Variants in MAP3K20 observed in about 807,000 individuals in gnomAD.
The protein encoded by MAP3K20 is HCCS-4.
MAP3K20 carries 40 observed loss-of-function variants against 85.7 expected under a neutral mutation model. That is an observed-to-expected ratio of 0.47 (90% CI 0.36 to 0.61). The LOEUF (loss-of-function observed/expected upper bound fraction) is 0.61. MAP3K20 is among the 20% of genes least tolerant of loss of function. MAP3K20 has a pLI of 0.00. For synonymous variants in MAP3K20, 325 were observed against 327.7 expected, an observed-to-expected ratio of 0.99 and a Z score of 0.09; for missense variants, 817 against 961.7, an observed-to-expected ratio of 0.85 and a Z score of 1.99.
chr2:173,244,473 A>T lies in MAP3K20; in HGVS notation c.1359+4977A>T, dbSNP rs1312593798. 4.6e-5 allele frequency among the ~76,000 whole-genome samples: 7 copies of T among 152,218 alleles called. No individual in the cohort carries two copies. In the East Asian group the frequency reaches 1.3e-3, roughly 29 times the overall value. On this transcript the variant is annotated intron_variant, in intron 16 of 19. Transcript: ENST00000375213. Reference sequence around the variant, plus strand: ...CGTTAGCATTTGGGTGAGATGCATAACTCATAGTATCATCGTTGCTGATTC... The same window carrying T: ...CGTTAGCATTTGGGTGAGATGCATATCTCATAGTATCATCGTTGCTGATTC...
chr2:173,170,365 C>T (rs1010246164), intron 3 of MAP3K20, among the ~76,000 whole-genome samples: 1 of 152,148 alleles, frequency 6.6e-6, no homozygotes, highest in Non-Finnish European at 1.5e-5. Context: ...TGGTAATGAC[C>T]TTGATCTAAA....
chr2:173,179,591 G>A (rs1183695498), intron 3 of MAP3K20, among the ~76,000 whole-genome samples: 2 of 151,936 alleles, frequency 1.3e-5, no homozygotes, highest in African/African-American at 4.8e-5. Flanking sequence ...TGTACTGAAG[G>A]TTTTAGCCAG....
At chr2:173,075,629 G>C (rs2106126673), upstream of MAP3K20, 1 of 553,100 alleles carries the variant, frequency 1.8e-6, no homozygotes, top group South Asian at 7.9e-5. Flanking sequence ...TGCTGGGGGC[G>C]AGGGGGAACA....
intron 2 of MAP3K20, among the ~76,000 whole-genome samples, chr2:173,121,464 G>A (rs1309165309): frequency 6.6e-6 from 1 of 152,144 alleles, no homozygotes; most frequent in Non-Finnish European, 1.5e-5. Flanking sequence ...TCGGCTCACT[G>A]TAAGCTCTGC....
At chr2:173,192,980 T>A (rs1255606275) in intron 7 of MAP3K20, 1 of 152,192 alleles carries the variant, frequency 6.6e-6, no homozygotes, top group Non-Finnish European at 1.5e-5. Context: ...CATAGTTGGC[T>A]TTTTGTTTCT....
chr2:173,189,041 A>G lies in MAP3K20; in HGVS notation c.415+1418A>G, dbSNP rs1004543108. Among the ~76,000 whole-genome samples the G allele has an allele frequency of 5.3e-5, 8 of 152,168 alleles. No homozygotes were observed. The East Asian group carries it at 9.6e-4, about 18-fold the overall frequency. Reference sequence around the variant, plus strand: ...CCCCATTTTAAAAAGTTACAGTTATATGTATTATAGTTACTAAATAGGAAC... The same window carrying G: ...CCCCATTTTAAAAAGTTACAGTTATGTGTATTATAGTTACTAAATAGGAAC... On this transcript the variant is annotated intron_variant, in intron 5 of 19. Transcript: ENST00000375213.
intron 2 of MAP3K20, among the ~76,000 whole-genome samples, chr2:173,134,393 CATATATATATATATATAT>C (rs1162728873): frequency 4.9e-4 from 6 of 12,330 alleles, no homozygotes; most frequent in Non-Finnish European, 8.7e-4. Flanking sequence ...TGTCTCTATA[CATATATATATATATATAT>C]ATATATATAT....
intron 3 of MAP3K20, among the ~76,000 whole-genome samples, chr2:173,173,162 G>C (rs1366690877): frequency 1.6e-5 from 1 of 62,744 alleles, no homozygotes; most frequent in African/African-American, 5.6e-5. Flanking sequence ...TTCTGTGTGT[G>C]TGTGTGTGTG....
chr2:173,106,991 A>G (rs1687800007), intron 2 of MAP3K20, among the ~76,000 whole-genome samples: 1 of 152,198 alleles, frequency 6.6e-6, no homozygotes, highest in African/African-American at 2.4e-5. Context: ...TTGAAAGAAC[A>G]GGTGTCTGAG....
intron 5 of MAP3K20, among the ~76,000 whole-genome samples, chr2:173,188,514 T>C (rs1451197523): frequency 6.6e-6 from 1 of 151,872 alleles, no homozygotes; most frequent in Non-Finnish European, 1.5e-5. Context: ...TTAGAATGGG[T>C]GGTGATGACA....
chr2:173,253,539 T>G (rs1401381072), intron 16 of MAP3K20, among the ~76,000 whole-genome samples: 2 of 152,274 alleles, frequency 1.3e-5, no homozygotes, highest in East Asian at 1.9e-4. Flanking sequence ...CCATACTGTT[T>G]CCATTTTAAT....
chr2:173,208,716 C>G (rs1456182886), intron 9 of MAP3K20, among the ~76,000 whole-genome samples: 1 of 152,158 alleles, frequency 6.6e-6, no homozygotes, highest in African/African-American at 2.4e-5. Context: ...GCACTTAAAT[C>G]CTGAGAGCAA....
chr2:173,183,089 C>A, intron 4 of MAP3K20, 134 bp downstream of exon 4: 1 of 662,486 alleles, frequency 1.5e-6, no homozygotes, highest in Non-Finnish European at 2.6e-6. Flanking sequence ...GTAAGAATTC[C>A]ACAGCTGATG....
chr2:173,100,927 A>G (rs764645677), intron 2 of MAP3K20, among the ~76,000 whole-genome samples: 5 of 152,204 alleles, frequency 3.3e-5, no homozygotes, highest in Non-Finnish European at 5.9e-5. Context: ...CTTTTCTACC[A>G]GACATTTCTG....
At chr2:173,247,436 A>G (rs1684942648) in intron 16 of MAP3K20, among the ~76,000 whole-genome samples, 1 of 152,168 alleles carries the variant, frequency 6.6e-6, no homozygotes, top group Admixed American at 6.5e-5. Context: ...TAAAGCCAAC[A>G]CTTTTTGGAA....
chr2:173,263,644 A>C, intron 18 of MAP3K20, 101 bp from the exon 19 acceptor site: 1 of 1,180,210 alleles, frequency 8.5e-7, no homozygotes, highest in Non-Finnish European at 1.2e-6. Context: ...GTGATATAAT[A>C]ACCTGGATGA....
intron 2 of MAP3K20, among the ~76,000 whole-genome samples, chr2:173,114,718 C>T (rs574493045): frequency 1.3e-5 from 2 of 152,068 alleles, no homozygotes; most frequent in African/African-American, 4.8e-5. Flanking sequence ...TTAAGGAGGC[C>T]GAAGATAGGG....
intron 14 of MAP3K20, among the ~76,000 whole-genome samples, chr2:173,236,308 A>G (rs1169706255): frequency 6.7e-6 from 1 of 149,164 alleles, no homozygotes; most frequent in Non-Finnish European, 1.5e-5. Context: ...GACAGGGGAC[A>G]GGGGTCTAAG....
At chr2:173,192,962 A>G (rs1245923780) in intron 7 of MAP3K20, 1 of 152,204 alleles carries the variant, frequency 6.6e-6, no homozygotes, top group Non-Finnish European at 1.5e-5. Context: ...CATAGTCTTC[A>G]TAGATGCCAT....
Sources: gnomAD v4.1 joint callset for allele counts (sites outside exome capture counted in the v4.1 genomes callset) on GRCh38, gnomAD v4.1.1 for gene constraint, MANE v1.5 for transcripts, NCBI Gene and HGNC (gene_info 2026-07-23, HGNC 2026-07-21) for gene names.